PDZRN3: variants seen among roughly 807,000 people sequenced by gnomAD.
PDZRN3 encodes PDZ domain containing ring finger 3, also known as E3 ubiquitin-protein ligase PDZRN3.
PDZRN3 carries 38 observed loss-of-function variants against 85.7 expected under a neutral mutation model. That is an observed-to-expected ratio of 0.44 (90% confidence interval 0.34 to 0.58). The LOEUF is 0.58. Among genes scored for constraint, PDZRN3 ranks in the 20% least tolerant of loss-of-function variants. The probability of loss-of-function intolerance (pLI) is 0.01; values close to 1 mark genes in which losing one functional copy is unlikely to be tolerated. For synonymous variants in PDZRN3, 759 were observed against 638.0 expected, an observed-to-expected ratio of 1.19 and a Z score of -2.86; for missense variants, 1,629 against 1,506.4, an observed-to-expected ratio of 1.08 and a Z score of -1.35.
chr3:73,467,722 A>C (rs1321976319), intron 3 of PDZRN3, among the ~76,000 whole-genome samples: 1 of 152,216 alleles, frequency 6.6e-6, no homozygotes, highest in Non-Finnish European at 1.5e-5. Context: ...GGCTGCTTTC[A>C]TTCTGTTCAT....
chr3:73,624,936 C>G lies in PDZRN3; in HGVS notation c.-111G>C, dbSNP rs572357886. 7.6e-4 allele frequency: 602 copies of G among 796,452 alleles called. 5 individuals carry two copies. The highest frequency in any genetic ancestry group is 2.1e-3 in the Middle Eastern group (5 of 2,350). The allele number at this position is 796,452 out of a possible 1,614,324, so 49.3% of individuals were successfully genotyped here. A position where few individuals can be genotyped will look rare whatever the true frequency, so the allele number is the denominator to read the frequency against. On this transcript the variant is annotated 5_prime_UTR_variant, in exon 1 of 10. Coordinates refer to ENST00000263666, the MANE Select transcript of PDZRN3 (RefSeq NM_015009.3). Reference sequence around the variant, plus strand: ...CGCCCGCGCGCTCGCTGGCTCTCCCCGGACTGAGCCTAATTGATCCAGACT... The same window carrying G: ...CGCCCGCGCGCTCGCTGGCTCTCCCGGGACTGAGCCTAATTGATCCAGACT...
chr3:73,497,814 C>G (rs368127331), intron 3 of PDZRN3, among the ~76,000 whole-genome samples: 6 of 151,696 alleles, frequency 4.0e-5, no homozygotes, highest in African/African-American at 1.2e-4. Flanking sequence ...CGTCCCCGCC[C>G]CCGCCAACAG....
At chr3:73,522,393 C>G (rs988909154) in intron 3 of PDZRN3, among the ~76,000 whole-genome samples, 14 of 152,306 alleles carry the variant, frequency 9.2e-5, no homozygotes, top group Non-Finnish European at 1.3e-4. Context: ...CCATAAGCAT[C>G]AAAACATGCT....
chr3:73,524,928 CGATTCATATATATGAAAATCATAGATCT>C (rs1187897995), intron 3 of PDZRN3, among the ~76,000 whole-genome samples: 8 of 148,422 alleles, frequency 5.4e-5, no homozygotes, highest in African/African-American at 2.5e-5. Flanking sequence ...ATCACAGATC[CGATTCATATATATGAAAATCATAGATCT>C]GATTCATATA....
At chr3:73,515,473 G>T (rs1035409016) in intron 3 of PDZRN3, among the ~76,000 whole-genome samples, 4 of 152,088 alleles carry the variant, frequency 2.6e-5, no homozygotes, top group African/African-American at 9.7e-5. Context: ...ACCACGCCCG[G>T]CCCAATCAGC....
intron 3 of PDZRN3, among the ~76,000 whole-genome samples, chr3:73,447,155 T>C (rs560474484): frequency 6.6e-6 from 1 of 151,350 alleles, no homozygotes; most frequent in East Asian, 1.9e-4. Context: ...TTCACTCCCA[T>C]CCCCAAATTA....
chr3:73,585,079 A>G (rs1702259343), intron 3 of PDZRN3, among the ~76,000 whole-genome samples: 1 of 152,242 alleles, frequency 6.6e-6, no homozygotes, highest in African/African-American at 2.4e-5. Flanking sequence ...ATATAAACAC[A>G]TAAGCAGATG....
At chr3:73,559,339 T>C (rs72891755) in intron 3 of PDZRN3, among the ~76,000 whole-genome samples, 1,800 of 152,276 alleles carry the variant, frequency 0.012, 45 homozygotes, top group African/African-American at 0.041. Context: ...TGCCATTTTA[T>C]GGAAAGGGGC....
intron 3 of PDZRN3, among the ~76,000 whole-genome samples, chr3:73,511,091 C>T (rs559798689): frequency 9.2e-5 from 14 of 152,214 alleles, no homozygotes; most frequent in Admixed American, 3.3e-4. Context: ...AAGGCAGAGG[C>T]GGCAAAATGT....
chr3:73,436,090 T>C (rs1702525926), intron 3 of PDZRN3, among the ~76,000 whole-genome samples: 1 of 152,164 alleles, frequency 6.6e-6, no homozygotes, highest in Non-Finnish European at 1.5e-5. Context: ...AAATGAAGCC[T>C]CCTTAGAAAA....
chr3:73,553,270 C>T (rs912780432), intron 3 of PDZRN3, among the ~76,000 whole-genome samples: 2 of 152,052 alleles, frequency 1.3e-5, no homozygotes, highest in Non-Finnish European at 2.9e-5. Context: ...CCTCCTGATT[C>T]TATGAGGTAA....
At chr3:73,483,323 G>A (rs1319666363) in intron 3 of PDZRN3, among the ~76,000 whole-genome samples, 1 of 152,208 alleles carries the variant, frequency 6.6e-6, no homozygotes, top group East Asian at 1.9e-4. Flanking sequence ...AGAAAGAGCA[G>A]TTGACTTAAA....
chr3:73,602,075 G>A (rs749712202), intron 3 of PDZRN3, among the ~76,000 whole-genome samples: 19 of 152,118 alleles, frequency 1.2e-4, no homozygotes, highest in Admixed American at 7.9e-4. Context: ...CGGTTTTCGC[G>A]CGAAACTGTA....
intron 3 of PDZRN3, among the ~76,000 whole-genome samples, chr3:73,508,555 A>G (rs1434581033): frequency 6.6e-6 from 1 of 152,112 alleles, no homozygotes; most frequent in East Asian, 1.9e-4. Context: ...GACTTAAGGG[A>G]CCACTAGGGG....
chr3:73,563,005 ATATATATATTTTT>A (rs1351077674), intron 3 of PDZRN3, among the ~76,000 whole-genome samples: 11 of 38,410 alleles, frequency 2.9e-4, no homozygotes, highest in South Asian at 1.1e-3. Flanking sequence ...ATATATATAT[ATATATATATTTTT>A]TTTTTTTTTT....
chr3:73,417,965 A>C (rs1702125709), intron 3 of PDZRN3, among the ~76,000 whole-genome samples: 1 of 152,238 alleles, frequency 6.6e-6, no homozygotes, highest in South Asian at 2.1e-4. Flanking sequence ...AAGACACAGA[A>C]ATTGGGAAGA....
rs778526404 is a variant in PDZRN3 at position 73,384,889 on chromosome 3, G to A, written c.1677C>T (p.Thr559=). The change falls in exon 10 of 10, where the codon ACC becomes ACT. Residue 559 remains threonine, a synonymous_variant. Coordinates refer to ENST00000263666, the MANE Select transcript of PDZRN3 (RefSeq NM_015009.3). ...CCTTCTCGTGCTGGTTGGACAAGAT[G>A]GTGGCTGTATCTGTGGTCCCACCGT... ...DEDGGTTDTA[T]ILSNQHEKDS... is the part of the protein sequence containing the mutation. 4 of 1,612,268 alleles carry A rather than the reference G, an allele frequency of 2.5e-6. No homozygotes were observed. The highest frequency in any genetic ancestry group is 2.5e-6 in the Non-Finnish European group (3 of 1,178,928).
At chr3:73,553,172 C>T (rs1264193779) in intron 3 of PDZRN3, among the ~76,000 whole-genome samples, 1 of 152,142 alleles carries the variant, frequency 6.6e-6, no homozygotes, top group Non-Finnish European at 1.5e-5. Flanking sequence ...TGTAAAAATG[C>T]ACCAATATGG....
At chr3:73,556,453 T>A (rs892482837) in intron 3 of PDZRN3, among the ~76,000 whole-genome samples, 3 of 152,094 alleles carry the variant, frequency 2.0e-5, no homozygotes, top group Admixed American at 6.6e-5. Context: ...ATCAAAAGAT[T>A]TCAGAAAGCT....
Sources: gnomAD v4.1 joint callset for allele counts (sites outside exome capture counted in the v4.1 genomes callset) on GRCh38, gnomAD v4.1.1 for gene constraint, MANE v1.5 for transcripts, NCBI Gene and HGNC (gene_info 2026-07-23, HGNC 2026-07-21) for gene names.